ABCC9: variants seen among roughly 807,000 people sequenced by gnomAD.
ABCC9 encodes the protein ATP binding cassette subfamily C member 9, also known as ATP-binding cassette sub-family C member 9.
Under a neutral mutation model 188.3 loss-of-function variants are expected in ABCC9, and 95 were observed. The observed-to-expected ratio is 0.50, with a 90% CI of 0.43 to 0.60. The LOEUF is 0.60. Among genes scored for constraint, ABCC9 ranks in the 20% least tolerant of loss-of-function variants. The probability of loss-of-function intolerance (pLI) is 0.00; values close to 1 mark genes in which losing one functional copy is unlikely to be tolerated. For synonymous variants in ABCC9, 659 were observed against 652.7 expected (o/e 1.01, Z -0.15); for missense variants, 1,102 against 1,876.3 (o/e 0.59, Z 7.62).
intron 6 of ABCC9, among the ~76,000 whole-genome samples, chr12:21,916,332 A>G (rs375510455): frequency 3.5e-4 from 54 of 152,326 alleles, no homozygotes; most frequent in African/African-American, 1.3e-3. Flanking sequence ...ATTGCAGCAT[A>G]TATCTTTCTA....
At chr12:21,928,227 G>A (rs1949117126) in intron 4 of ABCC9, among the ~76,000 whole-genome samples, 2 of 126,026 alleles carry the variant, frequency 1.6e-5, no homozygotes, top group Non-Finnish European at 3.3e-5. Context: ...CTCAAAAAAA[G>A]AAGCAAAGGA....
rs1003918006 is a variant in ABCC9 at position 21,815,980 on chromosome 12, T to G, written c.3893-87A>C. ...ATGTATACATACTTAAATACATTTA[T>G]ACATATATATATATTTTTCTAAATT... On this transcript the variant is annotated intron_variant, in intron 33 of 39. Coordinates refer to ENST00000261200, the MANE Select transcript of ABCC9 (RefSeq NM_020297.4). 9 of 801,664 alleles carry G rather than the reference T, an allele frequency of 1.1e-5. No individual in the cohort carries two copies. In the African/African-American group the frequency reaches 1.7e-4, roughly 15 times the overall value. The allele number at this position is 801,664 out of a possible 1,614,324, so 49.7% of individuals were successfully genotyped here.
rs1368966451 is a variant in ABCC9, at chr12:21,828,400, C to T, written c.3669+558G>A. ...TTTAATCCAATGCCCATACAAGGTACAAGGTACACATTCTTATTTTACAGA... is the reference window on the plus strand; with the variant it reads ...TTTAATCCAATGCCCATACAAGGTATAAGGTACACATTCTTATTTTACAGA... On this transcript the variant is annotated intron_variant, in intron 31 of 39. Transcript: ENST00000261200. 3.4e-5 allele frequency: 6 copies of T among 175,900 alleles called. No individual in the cohort carries two copies. The East Asian group carries it at 9.0e-4, about 26-fold the overall frequency. The allele number at this position is 175,900 out of a possible 1,614,324, so 10.9% of individuals were successfully genotyped here.
chr12:21,930,047 T>C (rs1233940882), intron 4 of ABCC9, among the ~76,000 whole-genome samples: 5 of 144,244 alleles, frequency 3.5e-5, no homozygotes, highest in African/African-American at 1.3e-4. Context: ...AGTGTTCTCA[T>C]TGTTCAAGTC....
intron 5 of ABCC9, among the ~76,000 whole-genome samples, chr12:21,922,752 T>TC (rs1835294540): frequency 1.5e-5 from 1 of 67,686 alleles, no homozygotes; most frequent in Admixed American, 1.4e-4. Flanking sequence ...TTTTTTTTTC[T>TC]TTTTTTTTTT....
chr12:21,939,844 C>A (rs1465899889), intron 2 of ABCC9, among the ~76,000 whole-genome samples: 1 of 152,196 alleles, frequency 6.6e-6, no homozygotes. Context: ...AATAGAAATA[C>A]TCCTAATTAT....
At chr12:21,925,847 T>C in intron 5 of ABCC9, 95 bp downstream of exon 5, 5 of 1,342,298 alleles carry the variant, frequency 3.7e-6, no homozygotes, top group Non-Finnish European at 5.3e-6. Context: ...CCACACACTC[T>C]GATACTATTT....
At chr12:21,936,736 T>A in intron 2 of ABCC9, 42 bp from the exon 3 acceptor site, 1 of 1,429,050 alleles carries the variant, frequency 7.0e-7, no homozygotes, top group Non-Finnish European at 9.8e-7. Flanking sequence ...CTCTTATTAG[T>A]AAACTCTTGT....
chr12:21,926,086 G>A lies in ABCC9; in HGVS notation c.285-23C>T, dbSNP rs149017202. ...CGCCTAGAAAGAGCAGTACGTCAACGCCTAAAGCTGATGGTTCCAGATAAT... is the reference window on the plus strand; with the variant it reads ...CGCCTAGAAAGAGCAGTACGTCAACACCTAAAGCTGATGGTTCCAGATAAT... On this transcript the variant is annotated intron_variant, in intron 4 of 39. Coordinates refer to ENST00000261200, the MANE Select transcript of ABCC9 (RefSeq NM_020297.4). 6,457 of 1,613,794 alleles carry A rather than the reference G, an allele frequency of 4.0e-3. 16 individuals carry two copies. Among genetic ancestry groups the A allele is most frequent in the Non-Finnish European group, 5.0e-3 (5,893 of 1,179,806 alleles).
At position 21,894,012 on chromosome 12, in the gene ABCC9, C is replaced by T. The variant is rs2137737531; in HGVS notation, c.1802+20G>A. 1 of 1,613,324 alleles carries T rather than the reference C, an allele frequency of 6.2e-7. No individual in the cohort carries two copies. Among genetic ancestry groups the T allele is most frequent in the Non-Finnish European group, 8.5e-7 (1 of 1,179,712 alleles). ...TTCTATTATCAATAAGCAAAAAATGCCAGACACTTCAGTGCATACCTTATG... is the reference window on the plus strand; with the variant it reads ...TTCTATTATCAATAAGCAAAAAATGTCAGACACTTCAGTGCATACCTTATG... On this transcript the variant is annotated intron_variant, in intron 14 of 39. Transcript: ENST00000261200.
intron 19 of ABCC9, among the ~76,000 whole-genome samples, chr12:21,863,707 A>C (rs189380883): frequency 9.7e-4 from 148 of 152,270 alleles, no homozygotes; most frequent in African/African-American, 3.4e-3. Context: ...TCAGACTTTA[A>C]TTTCCAATAG....
chr12:21,877,269 A>G (rs531177431), intron 16 of ABCC9, among the ~76,000 whole-genome samples: 1 of 152,328 alleles, frequency 6.6e-6, no homozygotes, highest in African/African-American at 2.4e-5. Context: ...ACTAAGTACA[A>G]CAGCAGCTCA....
chr12:21,810,465 C>A (rs1400530477), intron 36 of ABCC9, among the ~76,000 whole-genome samples: 12 of 152,118 alleles, frequency 7.9e-5, no homozygotes, highest in Admixed American at 7.9e-4. Context: ...TTCTGCAGGG[C>A]TGGGGAGGTC....
chr12:21,898,323 CCTT>C (rs1159310820), intron 12 of ABCC9, among the ~76,000 whole-genome samples: 1 of 152,102 alleles, frequency 6.6e-6, no homozygotes, highest in Non-Finnish European at 1.5e-5. Context: ...CTACATCCAT[CCTT>C]CTTATGAGAA....
In ABCC9 at chr12:21,903,664, T is replaced by G. The variant is rs186483538; in HGVS notation, c.1618+2462A>C. ...GACAAACAGAGAGCCAAATCATGAGTGAACTCCCATTCACAATTGCTACAA... is the reference window on the plus strand; with the variant it reads ...GACAAACAGAGAGCCAAATCATGAGGGAACTCCCATTCACAATTGCTACAA... On this transcript the variant is annotated intron_variant, in intron 12 of 39. Coordinates refer to ENST00000261200, the MANE Select transcript of ABCC9 (RefSeq NM_020297.4). 2.7e-3 allele frequency among the ~76,000 whole-genome samples: 413 copies of G among 152,182 alleles called. 1 individual carries two copies. Among genetic ancestry groups the G allele is most frequent in the African/African-American group, 9.6e-3 (398 of 41,540 alleles).
chr12:21,928,078 T>C (rs930824261), intron 4 of ABCC9, among the ~76,000 whole-genome samples: 3 of 151,564 alleles, frequency 2.0e-5, no homozygotes, highest in African/African-American at 7.3e-5. Flanking sequence ...AAATTAGCCA[T>C]GTGTGGTGCC....
chr12:21,829,494 C>T (rs960933471), intron 30 of ABCC9, among the ~76,000 whole-genome samples: 7 of 152,152 alleles, frequency 4.6e-5, no homozygotes, highest in East Asian at 1.9e-4. Flanking sequence ...TGCCACCGCA[C>T]CCGGCCCAGT....
At chr12:21,879,555 A>G (rs1326358180) in intron 16 of ABCC9, among the ~76,000 whole-genome samples, 1 of 152,180 alleles carries the variant, frequency 6.6e-6, no homozygotes, top group African/African-American at 2.4e-5. Flanking sequence ...TTGTGAATGT[A>G]CTAAATGCCA....
chr12:21,866,041 T>A, intron 18 of ABCC9, among the ~76,000 whole-genome samples: 1 of 148,328 alleles, frequency 6.7e-6, no homozygotes. Context: ...AGAGGGAAAA[T>A]TAAGAGTGTG....
Sources: gnomAD v4.1 joint callset for allele counts (sites outside exome capture counted in the v4.1 genomes callset) on GRCh38, gnomAD v4.1.1 for gene constraint, MANE v1.5 for transcripts, NCBI Gene and HGNC (gene_info 2026-07-23, HGNC 2026-07-21) for gene names.